EMC10: variants seen among roughly 807,000 people sequenced by gnomAD.
EMC10 encodes UPF0510 protein INM02.
EMC10 carries 40 observed loss-of-function variants against 32.2 expected under a neutral mutation model. The observed-to-expected ratio is 1.24, with a 90% confidence interval of 0.96 to 1.61. EMC10 has a LOEUF of 1.61. EMC10 is among the 40% of genes most tolerant of loss of function. The pLI is 0.00. For synonymous variants in EMC10, 178 were observed against 158.4 expected (o/e 1.12, Z -0.93); for missense variants, 402 against 357.7 (o/e 1.12, Z -1.00).
chr19:50,476,972 G>T, intron 1 of EMC10: 1 of 277,392 alleles, frequency 3.6e-6, no homozygotes, highest in Non-Finnish European at 6.7e-6. Context: ...AAGAGGCAAG[G>T]TGAAGCCGGG....
In EMC10 at chr19:50,480,668, C is replaced by T. The variant is rs746011100; in HGVS notation, c.490C>T (p.His164Tyr). ...CGTGGTGGGCGTGTCGGTGGTGACG[C>T]ACCCCGGGGGCTGCCGGGGCCATGA... ...GNVVGVSVVT[H>Y]PGGCRGHEVE... is the part of the protein sequence containing the mutation. Residue 164 changes from histidine (H) to tyrosine (Y), a missense_variant, in exon 5 of 7, where the codon CAC becomes TAC. Transcript: ENST00000334976. This position sits in a 1 kb window ranked among gnomAD's most constrained non-coding sequence, Gnocchi z 4.4. The T allele has an allele frequency of 8.8e-6, 14 of 1,599,282 alleles. No individual in the cohort carries two copies. The highest frequency in any genetic ancestry group is 1.7e-5 in the Admixed American group (1 of 58,100).
rs1413187492 is a variant in EMC10, at chr19:50,487,341, C to G, written c.*5082C>G. The G allele has an allele frequency of 6.6e-6, 1 of 152,256 alleles. No homozygotes were observed. The highest frequency in any genetic ancestry group is 2.1e-4 in the South Asian group (1 of 4,834). The allele number at this position is 152,256 out of a possible 1,614,324, so 9.4% of individuals were successfully genotyped here. A position where few individuals can be genotyped will look rare whatever the true frequency, so the allele number is the denominator to read the frequency against. ...CCAGGGATCGGCAGATTCAGGAGCC[C>G]ACTCCTGGCCAACCCCAGGGGCCCC... is the stretch of plus-strand genomic sequence containing the variant. On this transcript the variant is annotated 3_prime_UTR_variant, in exon 7 of 7. Coordinates refer to ENST00000334976, the MANE Select transcript of EMC10 (RefSeq NM_206538.4).
In EMC10 at chr19:50,481,583, C is replaced by G. The variant is rs1344564721; in HGVS notation, c.679-566C>G. The G allele has an allele frequency of 8.2e-6, 4 of 485,608 alleles. No homozygotes were observed. The Admixed American group carries it at 1.6e-4, about 19-fold the overall frequency. 30.1% of individuals were successfully genotyped at this position (485,608 alleles called of 1,614,324 possible). On this transcript the variant is annotated intron_variant, in intron 6 of 6. Coordinates refer to ENST00000334976, the MANE Select transcript of EMC10 (RefSeq NM_206538.4). ...GTTGTGGCACAGGAGCCCAGGCAGGCCAAGGCCAGCGAAGAGGTCTGTGTG... is the reference window on the plus strand; with the variant it reads ...GTTGTGGCACAGGAGCCCAGGCAGGGCAAGGCCAGCGAAGAGGTCTGTGTG...
At position 50,476,983 on chromosome 19, in the gene EMC10, C is replaced by T. The variant is rs914151523; in HGVS notation, c.114+325C>T. The T allele has an allele frequency of 1.6e-5, 4 of 251,578 alleles. No individual in the cohort carries two copies. In the East Asian group the frequency reaches 3.1e-4, roughly 20 times the overall value. 15.6% of individuals were successfully genotyped at this position (251,578 alleles called of 1,614,324 possible). On this transcript the variant is annotated intron_variant, in intron 1 of 6. Coordinates refer to ENST00000334976, the MANE Select transcript of EMC10 (RefSeq NM_206538.4). ...ATGAAAGAGGCAAGGTGAAGCCGGG[C>T]GCGGTGGCTCATCTGTCATCCCAAC...
intron 3 of EMC10, among the ~76,000 whole-genome samples, chr19:50,479,796 G>A (rs1018812767): frequency 6.6e-6 from 1 of 152,224 alleles, no homozygotes; most frequent in African/African-American, 2.4e-5. Flanking sequence ...GGCATAGGGT[G>A]GACGCCAGGT....
rs1168153140 is a variant in EMC10 at position 50,480,279 on chromosome 19, G to T, written c.402+64G>T. 4.1e-6 allele frequency: 6 copies of T among 1,480,750 alleles called. No individual in the cohort carries two copies. In the Admixed American group the frequency reaches 1.2e-4, roughly 28 times the overall value. The allele number at this position is 1,480,750 out of a possible 1,614,324, so 91.7% of individuals were successfully genotyped here. On this transcript the variant is annotated intron_variant, in intron 4 of 6. Coordinates refer to ENST00000334976, the MANE Select transcript of EMC10 (RefSeq NM_206538.4). The surrounding 1 kb of genome is among the most constrained non-coding windows in gnomAD (Gnocchi z 4.4). ...CCTCCTCATCCCCTACCCTGGTCCTGCTTCCACCATTCGAACCCCTGTGTT... is the reference window on the plus strand; with the variant it reads ...CCTCCTCATCCCCTACCCTGGTCCTTCTTCCACCATTCGAACCCCTGTGTT...
chr19:50,482,043 TC>T (rs1033297079), intron 6 of EMC10, 105 bp from the exon 7 acceptor site: 2 of 1,494,746 alleles, frequency 1.3e-6, no homozygotes, highest in African/African-American at 2.8e-5. Context: ...TTACGCGACC[TC>T]CCCTCATGCC....
At position 50,476,664 on chromosome 19, in the gene EMC10, T is replaced by C; in HGVS notation, c.114+6T>C. ...CCGGGACTGGTGCGCGAGGGGTGAGTGCTCTTTAGCTGTGCATAGCGGGCG... is the reference window on the plus strand; with the variant it reads ...CCGGGACTGGTGCGCGAGGGGTGAGCGCTCTTTAGCTGTGCATAGCGGGCG... On this transcript the variant is annotated splice_donor_region_variant and intron_variant, in intron 1 of 6. Coordinates refer to ENST00000334976, the MANE Select transcript of EMC10 (RefSeq NM_206538.4). The C allele has an allele frequency of 6.6e-7, 1 of 1,510,924 alleles. No individual in the cohort carries two copies. The highest frequency in any genetic ancestry group is 8.8e-7 in the Non-Finnish European group (1 of 1,132,688). The allele number at this position is 1,510,924 out of a possible 1,614,324, so 93.6% of individuals were successfully genotyped here.
Position 50,479,854 on chromosome 19 carries a change from C to G in EMC10, c.298-257C>G, listed in dbSNP as rs538629713. 5.9e-5 allele frequency among the ~76,000 whole-genome samples: 9 copies of G among 152,360 alleles called. No individual in the cohort carries two copies. The South Asian group carries it at 1.9e-3, about 32-fold the overall frequency. On this transcript the variant is annotated intron_variant, in intron 3 of 6. Coordinates refer to ENST00000334976, the MANE Select transcript of EMC10 (RefSeq NM_206538.4). ...AAGGCGTCCTCAGGACCCACTCCAT[C>G]GCTGGGCTGGGCTTTGCCCTCCTTG...
rs774514896 is a variant in EMC10 at position 50,476,536 on chromosome 19, G to A, written c.-9G>A. ...ACAGCCGTCCCTTCGCTGGTGGGAAGAAGCCGAGATGGCGGCAGCCAGCGC... is the reference window on the plus strand; with the variant it reads ...ACAGCCGTCCCTTCGCTGGTGGGAAAAAGCCGAGATGGCGGCAGCCAGCGC... On this transcript the variant is annotated 5_prime_UTR_variant, in exon 1 of 7. Transcript: ENST00000334976. 1.5e-5 allele frequency: 24 copies of A among 1,571,234 alleles called. 1 individual carries two copies. The East Asian group carries it at 4.9e-4, about 32-fold the overall frequency.
chr19:50,481,781 C>T (rs12609351), intron 6 of EMC10: 288,738 of 1,289,338 alleles, frequency 0.22, 34,360 homozygotes, highest in East Asian at 0.39. Context: ...GCTGCCCACT[C>T]GAGCGCCCTC....
rs1286543221 is a variant in EMC10, at chr19:50,482,393, G to A, written c.*134G>A. The A allele has an allele frequency of 4.9e-6, 3 of 608,548 alleles. No individual in the cohort carries two copies. Among genetic ancestry groups the A allele is most frequent in the Non-Finnish European group, 8.8e-6 (3 of 340,930 alleles). 37.7% of individuals were successfully genotyped at this position (608,548 alleles called of 1,614,324 possible). A position where few individuals can be genotyped will look rare whatever the true frequency, so the allele number is the denominator to read the frequency against. ...CCCCCCGTCCCACGAGGCCACCTGG[G>A]CCAGCCCCTTGTCCTCTGCCTTCTG... On this transcript the variant is annotated 3_prime_UTR_variant, in exon 7 of 7. Transcript: ENST00000334976.
chr19:50,482,187 G>A lies in EMC10; in HGVS notation c.717G>A (p.Met239Ile), dbSNP rs1226164508. The change falls in exon 7 of 7, where the codon ATG (methionine) becomes ATA (isoleucine). Residue 239 changes from methionine to isoleucine, a missense_variant. By Grantham distance (10) the Met-to-Ile change is conservative (BLOSUM62 1). Transcript: ENST00000334976. ...YIIPVVLFLM[M>I]SGAPDTGGQG... The stretch of plus-strand genomic sequence containing the variant: ...TTCCCGTCGTCCTGTTCCTCATGAT[G>A]TCAGGAGCGCCAGACACCGGGGGCC... The A allele has an allele frequency of 2.0e-6, 3 of 1,497,874 alleles. No individual in the cohort carries two copies. In the South Asian group the frequency reaches 3.4e-5, roughly 17 times the overall value. The allele number at this position is 1,497,874 out of a possible 1,614,324, so 92.8% of individuals were successfully genotyped here.
Position 50,480,636 on chromosome 19 carries a change from C to T in EMC10, c.458C>T (p.Ala153Val). The change falls in exon 5 of 7, where the codon GCC (alanine) becomes GTC (valine). Residue 153 changes from alanine (A) to valine (V), a missense_variant. Physicochemically the swap from Ala to Val is moderately conservative, Grantham distance 64. Coordinates refer to ENST00000334976, the MANE Select transcript of EMC10 (RefSeq NM_206538.4). The surrounding 1 kb of genome is among the most constrained non-coding windows in gnomAD (Gnocchi z 4.4). ...SDQLTLHVDV[A>V]GNVVGVSVVT... ...CAGCTGACCCTGCACGTGGATGTGG[C>T]CGGCAACGTGGTGGGCGTGTCGGTG... is the stretch of plus-strand genomic sequence containing the variant. 6.3e-7 allele frequency: 1 copy of T among 1,582,714 alleles called. No homozygotes were observed. Among genetic ancestry groups the T allele is most frequent in the Non-Finnish European group, 8.6e-7 (1 of 1,164,884 alleles).
chr19:50,480,242 C>T lies in EMC10; in HGVS notation c.402+27C>T, dbSNP rs760712629. ...TGAGTTGGTGTCGGGGATGAGCCCC[C>T]TTCTCCCTCGTCCTCCTCATCCCCT... is the stretch of plus-strand genomic sequence containing the variant. On this transcript the variant is annotated intron_variant, in intron 4 of 6. Transcript: ENST00000334976. This position sits in a 1 kb window ranked among gnomAD's most constrained non-coding sequence, Gnocchi z 4.4. 5.7e-6 allele frequency: 9 copies of T among 1,592,400 alleles called. No homozygotes were observed. The highest frequency in any genetic ancestry group is 6.9e-6 in the Non-Finnish European group (8 of 1,164,162).
At chr19:50,478,854 C>A in intron 2 of EMC10, 103 bp from the exon 3 acceptor site, 3 of 768,446 alleles carry the variant, frequency 3.9e-6, no homozygotes, top group African/African-American at 1.8e-5. Context: ...CCTGGTCACT[C>A]GGGTGGAGGC....
In EMC10 at chr19:50,484,311, A is replaced by C. The variant is rs2040366560; in HGVS notation, c.*2052A>C. 1 of 152,186 alleles carries C rather than the reference A, an allele frequency of 6.6e-6. No homozygotes were observed. Among genetic ancestry groups the C allele is most frequent in the Admixed American group, 6.6e-5 (1 of 15,260 alleles). 9.4% of individuals were successfully genotyped at this position (152,186 alleles called of 1,614,324 possible). The stretch of plus-strand genomic sequence containing the variant: ...CCAAAGTGCTGGGATTACAGGCATG[A>C]GCCACTGCGCCAGGCCTACTGATGC... On this transcript the variant is annotated 3_prime_UTR_variant, in exon 7 of 7. Coordinates refer to ENST00000334976, the MANE Select transcript of EMC10 (RefSeq NM_206538.4).
chr19:50,480,288 A>G lies in EMC10; in HGVS notation c.402+73A>G, dbSNP rs2272324. 0.013 allele frequency: 18,405 copies of G among 1,432,446 alleles called. 796 individuals are homozygous for G. Among genetic ancestry groups the G allele is most frequent in the East Asian group, 0.11 (4,655 of 42,182 alleles). 88.7% of individuals were successfully genotyped at this position (1,432,446 alleles called of 1,614,324 possible). A position where few individuals can be genotyped will look rare whatever the true frequency, so the allele number is the denominator to read the frequency against. On this transcript the variant is annotated intron_variant, in intron 4 of 6. Transcript: ENST00000334976. The surrounding 1 kb of genome is among the most constrained non-coding windows in gnomAD (Gnocchi z 4.4). ...CCCCTACCCTGGTCCTGCTTCCACCATTCGAACCCCTGTGTTTCTGGAGCC... is the reference window on the plus strand; with the variant it reads ...CCCCTACCCTGGTCCTGCTTCCACCGTTCGAACCCCTGTGTTTCTGGAGCC...
rs1158154339 is a variant in EMC10 at position 50,480,675 on chromosome 19, G to C, written c.497G>C (p.Gly166Ala). ...VVGVSVVTHPGGCRGHEVEDV... is the reference protein window; with the variant it reads ...VVGVSVVTHPAGCRGHEVEDV... ...GGCGTGTCGGTGGTGACGCACCCCGGGGGCTGCCGGGGCCATGAGGTGGAG... is the reference window on the plus strand; with the variant it reads ...GGCGTGTCGGTGGTGACGCACCCCGCGGGCTGCCGGGGCCATGAGGTGGAG... The change falls in exon 5 of 7, where the codon GGG becomes GCG. Residue 166 changes from glycine (G) to alanine (A), a missense_variant. Physicochemically the swap from Gly to Ala is moderately conservative, Grantham distance 60. Transcript: ENST00000334976. The surrounding 1 kb of genome is among the most constrained non-coding windows in gnomAD (Gnocchi z 4.4). 1.2e-6 allele frequency: 2 copies of C among 1,601,036 alleles called. No homozygotes were observed. The highest frequency in any genetic ancestry group is 3.4e-5 in the Admixed American group (2 of 58,460).
Sources: gnomAD v4.1 joint callset for allele counts (sites outside exome capture counted in the v4.1 genomes callset) on GRCh38, gnomAD v4.1.1 for gene constraint, Gnocchi (gnomAD v3.1) non-coding constraint, MANE v1.5 for transcripts, NCBI Gene and HGNC (gene_info 2026-07-23, HGNC 2026-07-21) for gene names.